NEMF: variants seen among roughly 807,000 people sequenced by gnomAD.
The protein encoded by NEMF is nuclear export mediator factor.
Under a neutral mutation model 162.2 loss-of-function variants are expected in NEMF, and 89 were observed. The observed-to-expected ratio is 0.55, with a 90% CI of 0.46 to 0.65. The LOEUF is 0.65. Ranked by LOEUF, NEMF falls within the 30% of genes least tolerant of loss-of-function variation. The pLI is 0.00. For missense variants in NEMF, 1,133 were observed against 1,261.9 expected, an observed-to-expected ratio of 0.90 and a Z score of 1.55; for synonymous variants, 421 against 404.5, an observed-to-expected ratio of 1.04 and a Z score of -0.49.
Position 49,782,985 on chromosome 14 carries a change from C to G in NEMF, c.*1651G>C, listed in dbSNP as rs535498136. The G allele has an allele frequency of 6.2e-7, 1 of 1,600,820 alleles. No individual in the cohort carries two copies. Among genetic ancestry groups the G allele is most frequent in the East Asian group, 2.2e-5 (1 of 44,618 alleles). On this transcript the variant is annotated 3_prime_UTR_variant, in exon 33 of 33. Coordinates refer to ENST00000298310, the MANE Select transcript of NEMF (RefSeq NM_004713.6). ...ATAAATAATGCCTATGATCACCTTG[C>G]ATGGACAGCAATCCTGTAAACATCA...
At chr14:49,798,195 A>G (rs963526452) in intron 25 of NEMF, among the ~76,000 whole-genome samples, 2 of 152,250 alleles carry the variant, frequency 1.3e-5, no homozygotes, top group African/African-American at 4.8e-5. Context: ...TTCATAAACT[A>G]TAGTCATACA....
chr14:49,803,342 A>T (rs1314960288), intron 19 of NEMF, 48 bp from the exon 20 acceptor site: 1 of 1,343,716 alleles, frequency 7.4e-7, no homozygotes, highest in South Asian at 1.3e-5. Flanking sequence ...AAAATACTCT[A>T]GTTTTCTTTT....
intron 15 of NEMF, 110 bp from the exon 16 acceptor site, chr14:49,826,065 TACACACACACACACAA>T (rs1892325108): frequency 1.1e-5 from 7 of 626,946 alleles, no homozygotes; most frequent in East Asian, 5.6e-5. Flanking sequence ...TGGCACAATC[TACACACACACACACAA>T]ACACACACAC....
Position 49,789,122 on chromosome 14 carries a change from C to G in NEMF, c.2895+24G>C, listed in dbSNP as rs180840738. On this transcript the variant is annotated intron_variant, in intron 28 of 32. Transcript: ENST00000298310. ...ATGGGTAATCACCCTAATTAAGAAG[C>G]AGAAGCCCACAAAGTAGCCATACCT... 153 of 1,602,204 alleles carry G rather than the reference C, an allele frequency of 9.5e-5. 1 individual carries two copies. The African/African-American group carries it at 1.7e-3, about 17-fold the overall frequency.
chr14:49,852,655 T>G (rs765931847), intron 1 of NEMF, 40 bp downstream of exon 1: 7 of 1,609,014 alleles, frequency 4.4e-6, no homozygotes, highest in African/African-American at 1.3e-5. Context: ...CTCTGCCTCC[T>G]GCACTCCCCA....
chr14:49,786,905 T>A lies in NEMF; in HGVS notation c.2896-155A>T. The A allele has an allele frequency of 2.7e-5, 17 of 629,288 alleles. No individual in the cohort carries two copies. In the South Asian group the frequency reaches 3.4e-4, roughly 12 times the overall value. 39.0% of individuals were successfully genotyped at this position (629,288 alleles called of 1,614,324 possible). A position where few individuals can be genotyped will look rare whatever the true frequency, so the allele number is the denominator to read the frequency against. On this transcript the variant is annotated intron_variant, in intron 28 of 32. Coordinates refer to ENST00000298310, the MANE Select transcript of NEMF (RefSeq NM_004713.6). ...CTCAAGGTTATATTCTTCCTAAGAC[T>A]CTGAAGTGGATTCGTATATGTGTTT... is the stretch of plus-strand genomic sequence containing the variant.
intron 18 of NEMF, among the ~76,000 whole-genome samples, chr14:49,809,461 G>T (rs1006747111): frequency 6.6e-6 from 1 of 152,180 alleles, no homozygotes; most frequent in Non-Finnish European, 1.5e-5. Context: ...GGATGAACAG[G>T]CAGGGCACAG....
chr14:49,800,314 G>T, intron 23 of NEMF, 106 bp downstream of exon 23: 2 of 847,532 alleles, frequency 2.4e-6, no homozygotes, highest in Non-Finnish European at 3.6e-6. Flanking sequence ...TTAAGACAAT[G>T]GAGTGTAAAA....
chr14:49,828,386 TATA>T (rs749412136), intron 14 of NEMF, 32 bp from the exon 15 acceptor site: 17 of 1,340,876 alleles, frequency 1.3e-5, no homozygotes, highest in African/African-American at 6.0e-5. Context: ...AAATTTTAAG[TATA>T]ATATTTATTC....
rs767534791 is a variant in NEMF, at chr14:49,828,706, T to G, written c.1334A>C (p.Gln445Pro). The G allele has an allele frequency of 3.7e-6, 6 of 1,607,344 alleles. No homozygotes were observed. The highest frequency in any genetic ancestry group is 2.2e-5 in the East Asian group (1 of 44,644). The change falls in exon 14 of 33, where the codon CAA becomes CCA. Residue 445 changes from glutamine to proline, a missense_variant. Coordinates refer to ENST00000298310, the MANE Select transcript of NEMF (RefSeq NM_004713.6). The stretch of plus-strand genomic sequence containing the variant: ...AGGCTTCTGCAGCTGTTTATTCTTT[T>G]GTTTTTTCTTTTTTCCTTTTGGTGG... The part of the protein sequence containing the change: ...TEPPKGKKKK[Q>P]KNKQLQKPQK...
At chr14:49,800,801 A>G in intron 22 of NEMF, 105 bp from the exon 23 acceptor site, 2 of 1,116,240 alleles carry the variant, frequency 1.8e-6, no homozygotes, top group South Asian at 3.1e-5. Flanking sequence ...ATATTTCTCC[A>G]AAAAATCAAC....
intron 16 of NEMF, 141 bp downstream of exon 16, chr14:49,825,725 CT>C: frequency 1.7e-6 from 1 of 588,774 alleles, no homozygotes; most frequent in Non-Finnish European, 3.0e-6. Flanking sequence ...GACAGAGAAC[CT>C]GTCTCAAACA....
chr14:49,830,479 C>T (rs182899174), intron 11 of NEMF, among the ~76,000 whole-genome samples: 137 of 152,260 alleles, frequency 9.0e-4, no homozygotes, highest in African/African-American at 3.0e-3. Flanking sequence ...TTGCAACCTC[C>T]GCCTCCCAGG....
At chr14:49,809,540 T>G (rs1034294710) in intron 18 of NEMF, among the ~76,000 whole-genome samples, 5 of 152,104 alleles carry the variant, frequency 3.3e-5, no homozygotes, top group African/African-American at 1.2e-4. Context: ...TTTTACACAT[T>G]TGTCCAAACT....
intron 26 of NEMF, among the ~76,000 whole-genome samples, chr14:49,792,320 A>G (rs559635605): frequency 1.2e-4 from 18 of 152,220 alleles, no homozygotes; most frequent in African/African-American, 4.1e-4. Flanking sequence ...GGCTCAAGCA[A>G]TTATCCTGCC....
intron 26 of NEMF, among the ~76,000 whole-genome samples, chr14:49,795,274 C>T (rs1890638236): frequency 7.0e-6 from 1 of 142,950 alleles, no homozygotes; most frequent in South Asian, 2.3e-4. Flanking sequence ...GGAGTTAAGG[C>T]TAGTGCAGTG....
At chr14:49,847,913 T>C (rs1893588301) in intron 3 of NEMF, among the ~76,000 whole-genome samples, 1 of 150,580 alleles carries the variant, frequency 6.6e-6, no homozygotes, top group African/African-American at 2.4e-5. Context: ...ATGCCTGTAA[T>C]CCCAGCTACT....
chr14:49,845,579 T>A (rs559698638), intron 4 of NEMF, among the ~76,000 whole-genome samples: 1 of 152,224 alleles, frequency 6.6e-6, no homozygotes, highest in East Asian at 1.9e-4. Flanking sequence ...TGTACAATAC[T>A]TTCTTTCTTT....
intron 26 of NEMF, among the ~76,000 whole-genome samples, chr14:49,792,600 CAA>C (rs763800075): frequency 6.6e-5 from 10 of 152,188 alleles, no homozygotes; most frequent in Non-Finnish European, 1.2e-4. Context: ...AATGTAAACA[CAA>C]AAAACAGGCA....
Sources: gnomAD v4.1 joint callset for allele counts (sites outside exome capture counted in the v4.1 genomes callset) on GRCh38, gnomAD v4.1.1 for gene constraint, MANE v1.5 for transcripts, NCBI Gene and HGNC (gene_info 2026-07-23, HGNC 2026-07-21) for gene names.